BRCA2: variants seen among roughly 807,000 people sequenced by gnomAD.
BRCA2 encodes breast cancer type 2 susceptibility protein.
BRCA2 carries 203 observed loss-of-function variants against 276.7 expected under a neutral mutation model. The observed-to-expected ratio is 0.73, with a 90% CI of 0.65 to 0.82. The LOEUF (loss-of-function observed/expected upper bound fraction) is 0.82. Among genes scored for constraint, BRCA2 ranks in the 40% least tolerant of loss-of-function variants. The pLI is 0.00. For missense variants in BRCA2, 3,920 were observed against 3,915.0 expected, an observed-to-expected ratio of 1.00 and a Z score of -0.03; for synonymous variants, 1,289 against 1,338.4, an observed-to-expected ratio of 0.96 and a Z score of 0.81.
chr13:32,342,146 A>G (rs2072575846), intron 11 of BRCA2, among the ~76,000 whole-genome samples: 1 of 151,064 alleles, frequency 6.6e-6, no homozygotes, highest in Admixed American at 6.6e-5. Context: ...GGTGGCGCGC[A>G]CCTATAATCC....
chr13:32,375,457 T>C (rs186222746), intron 20 of BRCA2: 84 of 408,420 alleles, frequency 2.1e-4, no homozygotes, highest in African/African-American at 1.5e-3. Flanking sequence ...ACTAGTGTTC[T>C]TAATGGTATT....
At chr13:32,357,980 C>T (rs2137568152) in intron 16 of BRCA2, 51 bp downstream of exon 16, 1 of 1,567,720 alleles carries the variant, frequency 6.4e-7, no homozygotes, top group Non-Finnish European at 8.8e-7. Flanking sequence ...TCCCTCATCC[C>T]TCTTTCTTCT....
At chr13:32,379,250 C>G in intron 21 of BRCA2, 67 bp from the exon 22 acceptor site, 1 of 1,494,870 alleles carries the variant, frequency 6.7e-7, no homozygotes, top group Admixed American at 1.7e-5. Context: ...TTAAAGCCAT[C>G]TAGTTACAAT....
chr13:32,368,094 A>G (rs542625094), intron 18 of BRCA2, among the ~76,000 whole-genome samples: 1 of 123,188 alleles, frequency 8.1e-6, no homozygotes, highest in Non-Finnish European at 1.6e-5. Context: ...ATCTTGGCTC[A>G]CTGCAACCTC....
In BRCA2 at chr13:32,338,941, G is replaced by C. The variant is rs2072508418; in HGVS notation, c.4586G>C (p.Gly1529Ala). The change falls in exon 11 of 27, where the codon GGG becomes GCG. Residue 1529 changes from glycine (G) to alanine (A), a missense_variant. Physicochemically the swap from Gly to Ala is moderately conservative, Grantham distance 60. This residue lies in a region of BRCA2 where 3,263 missense variants were observed against 3,156.9 expected (regional missense o/e 1.03). Transcript: ENST00000380152. Reference protein sequence around the residue: ...PTLLGFHTASGKKVKIAKESL... With the variant: ...PTLLGFHTASAKKVKIAKESL... ...CTATTGGGTTTTCATACAGCTAGCG[G>C]GAAAAAAGTTAAAATTGCAAAGGAA... 1 of 1,613,822 alleles carries C rather than the reference G, an allele frequency of 6.2e-7. No individual in the cohort carries two copies. Among genetic ancestry groups the C allele is most frequent in the Non-Finnish European group, 8.5e-7 (1 of 1,179,880 alleles).
At chr13:32,329,596 AT>A in intron 8 of BRCA2, 104 bp downstream of exon 8, 1 of 951,796 alleles carries the variant, frequency 1.1e-6, no homozygotes, top group Non-Finnish European at 1.6e-6. Flanking sequence ...TCTGTAATTT[AT>A]CTAAGCCTTT....
intron 24 of BRCA2, among the ~76,000 whole-genome samples, chr13:32,387,673 T>C (rs922676678): frequency 3.3e-5 from 5 of 152,200 alleles, no homozygotes; most frequent in Admixed American, 6.5e-5. Flanking sequence ...CCTTGTCCAC[T>C]TTTATGCTTC....
chr13:32,315,499 C>G (rs1050657422), upstream of BRCA2: 1 of 152,414 alleles, frequency 6.6e-6, no homozygotes, highest in Admixed American at 6.5e-5. Context: ...GCTTCTGAAA[C>G]TAGGCGGCAG....
chr13:32,385,321 GTTC>G (rs1275681617), intron 24 of BRCA2: 6 of 215,278 alleles, frequency 2.8e-5, no homozygotes, highest in Non-Finnish European at 5.0e-5. Context: ...ATATAGTAAG[GTTC>G]TTCTTGCCCT....
Position 32,338,730 on chromosome 13 carries a change from A to C in BRCA2, c.4375A>C (p.Asn1459His). 1 of 1,600,046 alleles carries C rather than the reference A, an allele frequency of 6.2e-7. No individual in the cohort carries two copies. The highest frequency in any genetic ancestry group is 1.1e-5 in the South Asian group (1 of 88,692). ...FFDQKPEELHNFSLNSELHSD... is the reference protein window; with the variant it reads ...FFDQKPEELHHFSLNSELHSD... ...TGATCAGAAACCAGAAGAATTGCATAACTTTTCCTTAAATTCTGAATTACA... is the reference window on the plus strand; with the variant it reads ...TGATCAGAAACCAGAAGAATTGCATCACTTTTCCTTAAATTCTGAATTACA... The change falls in exon 11 of 27, where the codon AAC becomes CAC. Residue 1459 changes from asparagine to histidine, a missense_variant. Around this residue, in one of 2 missense-constraint regions of BRCA2, gnomAD observed 3,263 missense variants for 3,156.9 expected, o/e 1.03. Coordinates refer to ENST00000380152, the MANE Select transcript of BRCA2 (RefSeq NM_000059.4).
At chr13:32,376,995 G>T (rs1663615174) in intron 21 of BRCA2, among the ~76,000 whole-genome samples, 3 of 151,990 alleles carry the variant, frequency 2.0e-5, no homozygotes, top group Non-Finnish European at 4.4e-5. Context: ...AGGATGGGAG[G>T]GTTCTAGAAT....
intron 20 of BRCA2, among the ~76,000 whole-genome samples, chr13:32,374,179 C>A (rs1566250444): frequency 6.6e-6 from 1 of 152,256 alleles, no homozygotes; most frequent in East Asian, 1.9e-4. Context: ...CCCACAAAAC[C>A]ATTTTTCCCT....
At chr13:32,364,645 C>T (rs2137584994) in intron 18 of BRCA2, among the ~76,000 whole-genome samples, 1 of 152,304 alleles carries the variant, frequency 6.6e-6, no homozygotes, top group African/African-American at 2.4e-5. Context: ...TTCTTTACAG[C>T]TTACTGCTTT....
At chr13:32,362,423 C>T in intron 16 of BRCA2, 100 bp from the exon 17 acceptor site, 1 of 1,181,622 alleles carries the variant, frequency 8.5e-7, no homozygotes, top group Non-Finnish European at 1.2e-6. Flanking sequence ...ACTTAATGAT[C>T]TTGAACAATG....
chr13:32,317,769 G>A (rs1462196003), intron 2 of BRCA2, among the ~76,000 whole-genome samples: 1 of 152,184 alleles, frequency 6.6e-6, no homozygotes, highest in Non-Finnish European at 1.5e-5. Flanking sequence ...ACAACAAACT[G>A]TTTTCCTTGC....
intron 21 of BRCA2, among the ~76,000 whole-genome samples, chr13:32,378,904 G>T (rs374926216): frequency 6.6e-6 from 1 of 152,294 alleles, no homozygotes; most frequent in East Asian, 1.9e-4. Flanking sequence ...TATGTGGCTT[G>T]TGCAAATTAG....
intron 14 of BRCA2, among the ~76,000 whole-genome samples, chr13:32,355,905 GAT>G (rs1210806093): frequency 1.3e-5 from 2 of 151,562 alleles, no homozygotes; most frequent in Non-Finnish European, 2.9e-5. Context: ...AAATAGTAAA[GAT>G]ATTCATATTT....
intron 20 of BRCA2, 56 bp downstream of exon 20, chr13:32,371,156 G>C (rs2137601513): frequency 6.4e-7 from 1 of 1,556,646 alleles, no homozygotes; most frequent in Non-Finnish European, 8.8e-7. Context: ...CAAAGTCTTA[G>C]AGACTTTGAA....
At position 32,339,342 on chromosome 13, in the gene BRCA2, G is replaced by C. The variant is rs587781763; in HGVS notation, c.4987G>C (p.Val1663Leu). The change falls in exon 11 of 27, where the codon GTC becomes CTC. Residue 1663 changes from valine to leucine, a missense_variant. Physicochemically the swap from Val to Leu is conservative, Grantham distance 32. Transcript: ENST00000380152. ...TTACACAAATCAGTCCCCTTATTCAGTCATTGAAAATTCAGCCTTAGCTTT... is the reference window on the plus strand; with the variant it reads ...TTACACAAATCAGTCCCCTTATTCACTCATTGAAAATTCAGCCTTAGCTTT... Reference protein sequence around the residue: ...TCYTNQSPYSVIENSALAFYT... With the variant: ...TCYTNQSPYSLIENSALAFYT... The C allele has an allele frequency of 1.3e-6, 2 of 1,590,624 alleles. No homozygotes were observed. Among genetic ancestry groups the C allele is most frequent in the Admixed American group, 1.8e-5 (1 of 55,196 alleles).
Sources: allele counts gnomAD v4.1 joint callset (sites outside exome capture counted in the v4.1 genomes callset), GRCh38; gene constraint gnomAD v4.1.1; regional missense constraint gnomAD v4.1.1; transcripts MANE v1.5; gene names NCBI Gene and HGNC (gene_info 2026-07-23, HGNC 2026-07-21).